The following PLXNA4 variants were observed in gnomAD, a reference collection of about 807,000 sequenced individuals.
PLXNA4 encodes plexin-A4.
A neutral mutation model predicts 191.8 loss-of-function variants in PLXNA4; 44 were observed. That is an observed-to-expected ratio of 0.23 (90% confidence interval 0.18 to 0.29). The LOEUF is 0.29. Ranked by LOEUF, PLXNA4 falls within the 10% of genes least tolerant of loss-of-function variation. PLXNA4 has a pLI of 1.00. For missense variants in PLXNA4, 1,800 were observed against 2,488.8 expected (o/e 0.72, Z 5.89); for synonymous variants, 1,082 against 1,009.5 (o/e 1.07, Z -1.36).
chr7:132,163,960 G>C (rs917098625), intron 24 of PLXNA4, among the ~76,000 whole-genome samples, 182 bp downstream of exon 24: 9 of 152,248 alleles, frequency 5.9e-5, no homozygotes, highest in African/African-American at 2.2e-4. Flanking sequence ...ATGCCCTGGT[G>C]AAACAGAACA....
At chr7:132,579,257 G>A (rs1237469110), upstream of PLXNA4, among the ~76,000 whole-genome samples, 2 of 152,098 alleles carry the variant, frequency 1.3e-5, no homozygotes, top group African/African-American at 2.4e-5. Context: ...AAGGCGCGGG[G>A]GAGACTCCTT....
intron 3 of PLXNA4, among the ~76,000 whole-genome samples, chr7:132,454,329 T>C (rs773189169): frequency 2.6e-5 from 4 of 152,194 alleles, no homozygotes; most frequent in South Asian, 2.1e-4. Context: ...CATTGCCTTC[T>C]TAAGAACAAC....
At chr7:132,180,880 G>A in intron 18 of PLXNA4, 148 bp from the exon 19 acceptor site, 2 of 1,320,516 alleles carry the variant, frequency 1.5e-6, no homozygotes, top group Non-Finnish European at 2.0e-6. Context: ...AAATATTCAT[G>A]GCATGACTAC....
At chr7:132,552,327 T>C (rs1340948375) in intron 1 of PLXNA4, among the ~76,000 whole-genome samples, 1 of 152,188 alleles carries the variant, frequency 6.6e-6, no homozygotes, top group Non-Finnish European at 1.5e-5. Flanking sequence ...GTTGATTTAG[T>C]TCTCAGCAAA....
intron 2 of PLXNA4, among the ~76,000 whole-genome samples, chr7:132,597,614 T>C (rs1024389719): frequency 1.3e-5 from 2 of 152,170 alleles, no homozygotes; most frequent in Non-Finnish European, 2.9e-5. Flanking sequence ...CATTCATGTA[T>C]TTATTTATTC....
At chr7:132,468,240 TACACACAA>T (rs1337187633) in intron 3 of PLXNA4, among the ~76,000 whole-genome samples, 2 of 149,126 alleles carry the variant, frequency 1.3e-5, no homozygotes, top group Non-Finnish European at 3.0e-5. Flanking sequence ...CACACACACA[TACACACAA>T]ACACACATAC....
intron 3 of PLXNA4, chr7:132,484,700 G>A: frequency 1.4e-6 from 2 of 1,477,854 alleles, no homozygotes; most frequent in African/African-American, 1.4e-5. Context: ...TAGTCTATTT[G>A]GTGTTCCAAC....
intron 3 of PLXNA4, among the ~76,000 whole-genome samples, chr7:132,453,786 C>T (rs1796216395): frequency 6.6e-6 from 1 of 152,200 alleles, no homozygotes; most frequent in South Asian, 2.1e-4. Context: ...GTGACCTGCT[C>T]ACCTTGGCCT....
At chr7:132,259,465 AAAAAAAAAGAAAAAAGG>A (rs1799552094) in intron 4 of PLXNA4, among the ~76,000 whole-genome samples, 1 of 139,178 alleles carries the variant, frequency 7.2e-6, no homozygotes, top group African/African-American at 2.8e-5. Context: ...AAAAAAAAAA[AAAAAAAAAGAAAAAAGG>A]AAAAAAGAAA....
At chr7:132,179,122 C>T (rs1474956024) in intron 20 of PLXNA4, among the ~76,000 whole-genome samples, 1 of 90,738 alleles carries the variant, frequency 1.1e-5, no homozygotes, top group East Asian at 2.5e-4. Context: ...TACACATACA[C>T]GTGCGTGCTC....
chr7:132,632,010 G>A (rs1803499921), intron 2 of PLXNA4, among the ~76,000 whole-genome samples: 8 of 152,154 alleles, frequency 5.3e-5, no homozygotes, highest in Admixed American at 5.2e-4. Context: ...CAAGGCGGGT[G>A]GATCACCTGA....
intron 3 of PLXNA4, among the ~76,000 whole-genome samples, chr7:132,403,777 A>G (rs1156819714): frequency 2.0e-5 from 3 of 152,070 alleles, no homozygotes; most frequent in Non-Finnish European, 4.4e-5. Flanking sequence ...GGAAGAGGGC[A>G]TTTGGGGGCT....
At chr7:132,471,275 CTCTTT>C (rs1796924803) in intron 3 of PLXNA4, among the ~76,000 whole-genome samples, 1 of 152,176 alleles carries the variant, frequency 6.6e-6, no homozygotes, top group Admixed American at 6.5e-5. Context: ...CCAATTACAC[CTCTTT>C]TCTTTATAAA....
chr7:132,274,326 T>C (rs1184738880), intron 4 of PLXNA4, among the ~76,000 whole-genome samples: 1 of 151,924 alleles, frequency 6.6e-6, no homozygotes, highest in Non-Finnish European at 1.5e-5. Flanking sequence ...TGAAATAATT[T>C]TGGACTTACA....
intron 3 of PLXNA4, among the ~76,000 whole-genome samples, chr7:132,327,048 G>A (rs928733572): frequency 1.0e-5 from 1 of 98,408 alleles, no homozygotes; most frequent in Non-Finnish European, 2.5e-5. Context: ...GAGGGAGGGA[G>A]AGAAGAAAGG....
chr7:132,308,426 T>C (rs1321397279), intron 3 of PLXNA4, among the ~76,000 whole-genome samples: 2 of 152,108 alleles, frequency 1.3e-5, no homozygotes. Context: ...GAAAACAAGT[T>C]CCCATGAATA....
At chr7:132,146,266 G>A (rs1236265949) in intron 28 of PLXNA4, among the ~76,000 whole-genome samples, 1 of 152,010 alleles carries the variant, frequency 6.6e-6, no homozygotes, top group Non-Finnish European at 1.5e-5. Flanking sequence ...ATGGAGAAGG[G>A]GTAGAAACAA....
At chr7:132,239,248 C>T (rs535253964) in intron 5 of PLXNA4, among the ~76,000 whole-genome samples, 1 of 152,272 alleles carries the variant, frequency 6.6e-6, no homozygotes, top group South Asian at 2.1e-4. Flanking sequence ...GTGCCTCCTC[C>T]TCTCATGTCT....
intron 3 of PLXNA4, among the ~76,000 whole-genome samples, chr7:132,299,281 A>T (rs978696432): frequency 6.6e-6 from 1 of 152,234 alleles, no homozygotes; most frequent in Non-Finnish European, 1.5e-5. Flanking sequence ...AAAGAAAAAA[A>T]TTATATTCCA....
Sources: gnomAD v4.1 joint callset for allele counts (sites outside exome capture counted in the v4.1 genomes callset) on GRCh38, gnomAD v4.1.1 for gene constraint, MANE v1.5 for transcripts, NCBI Gene and HGNC (gene_info 2026-07-23, HGNC 2026-07-21) for gene names.